GSK3A: variants seen among roughly 807,000 people sequenced by gnomAD.
GSK3A encodes glycogen synthase kinase 3 alpha, also known as glycogen synthase kinase-3 alpha.
In GSK3A, 14 loss-of-function variants were observed where a neutral mutation model predicts 56.6. The ratio of observed to expected loss-of-function variants is 0.25; its 90% CI spans 0.16 to 0.39. The LOEUF (loss-of-function observed/expected upper bound fraction) is 0.39. Ranked by LOEUF, GSK3A falls within the 10% of genes least tolerant of loss-of-function variation. The probability of loss-of-function intolerance (pLI) is 1.00; values close to 1 mark genes in which losing one functional copy is unlikely to be tolerated. For synonymous variants in GSK3A, 301 were observed against 285.0 expected (o/e 1.06, Z -0.56); for missense variants, 450 against 656.0 (o/e 0.69, Z 3.43).
chr19:42,242,512 G>A lies in GSK3A; in HGVS notation c.-47C>T. 2 of 1,048,142 alleles carry A rather than the reference G, an allele frequency of 1.9e-6. No individual in the cohort carries two copies. Among genetic ancestry groups the A allele is most frequent in the Non-Finnish European group, 1.1e-6 (1 of 871,638 alleles). 64.9% of individuals were successfully genotyped at this position (1,048,142 alleles called of 1,614,324 possible). A position where few individuals can be genotyped will look rare whatever the true frequency, so the allele number is the denominator to read the frequency against. Reference sequence around the variant, plus strand: ...CTGCGGGGCTCGGGCTGCCCGGGCTGCCCCAGCCGCCGCCGCTGCCGCCGC... The same window carrying A: ...CTGCGGGGCTCGGGCTGCCCGGGCTACCCCAGCCGCCGCCGCTGCCGCCGC... On this transcript the variant is annotated 5_prime_UTR_variant, in exon 1 of 11. Coordinates refer to ENST00000222330, the MANE Select transcript of GSK3A (RefSeq NM_019884.3).
rs747284763 is a variant in GSK3A, at chr19:42,239,913, C to T, written c.471+42G>A. 4.1e-5 allele frequency: 64 copies of T among 1,552,526 alleles called. 1 individual carries two copies. The South Asian group carries it at 6.5e-4, about 16-fold the overall frequency. On this transcript the variant is annotated intron_variant, in intron 2 of 10. Transcript: ENST00000222330. Reference sequence around the variant, plus strand: ...GGCTCAGGTTCTCCCACCAGTCACACCCAGTCCCCAAACCTCCCTGTCCCC... The same window carrying T: ...GGCTCAGGTTCTCCCACCAGTCACATCCAGTCCCCAAACCTCCCTGTCCCC...
intron 10 of GSK3A, among the ~76,000 whole-genome samples, chr19:42,231,100 G>A (rs773306016): frequency 3.9e-5 from 6 of 152,312 alleles, no homozygotes; most frequent in East Asian, 1.9e-4. Flanking sequence ...AGTGGCTCAC[G>A]CCTGTAATCC....
chr19:42,236,803 C>T, intron 3 of GSK3A, 55 bp downstream of exon 3: 3 of 1,478,934 alleles, frequency 2.0e-6, no homozygotes, highest in Non-Finnish European at 2.8e-6. Context: ...GGGGGAAAGG[C>T]AGGCAGGCAG....
intron 8 of GSK3A, 113 bp from the exon 9 acceptor site, chr19:42,232,795 C>T: frequency 1.2e-6 from 1 of 857,914 alleles, no homozygotes; most frequent in Non-Finnish European, 1.8e-6. Context: ...CTTCCCACAC[C>T]CCCACCTTCC....
At chr19:42,239,620 C>T (rs2036279367) in intron 2 of GSK3A, among the ~76,000 whole-genome samples, 1 of 152,136 alleles carries the variant, frequency 6.6e-6, no homozygotes, top group Non-Finnish European at 1.5e-5. Context: ...TGCTCTATGA[C>T]CTCAGGCAAT....
At chr19:42,233,861 G>A (rs1379715276) in intron 6 of GSK3A, among the ~76,000 whole-genome samples, 3 of 152,102 alleles carry the variant, frequency 2.0e-5, no homozygotes, top group South Asian at 4.1e-4. Context: ...TCCACAGTTC[G>A]TCATGCTGCT....
rs1465637601 is a variant in GSK3A at position 42,242,250 on chromosome 19, G to A, written c.216C>T (p.Ser72=). The change falls in exon 1 of 11, where the codon AGC becomes AGT. Residue 72 remains serine (S), a synonymous_variant. Coordinates refer to ENST00000222330, the MANE Select transcript of GSK3A (RefSeq NM_019884.3). Reference sequence around the variant, plus strand: ...CGGGGCCTCCGCTGCCTCCTCCGCCGCTGCCGCCGGGTCCACCCCCGGAGC... The same window carrying A: ...CGGGGCCTCCGCTGCCTCCTCCGCCACTGCCGCCGGGTCCACCCCCGGAGC... ...ASSSGGGPGG[S]GGGGSGGPGA... 2.8e-6 allele frequency: 4 copies of A among 1,431,746 alleles called. No homozygotes were observed. Among genetic ancestry groups the A allele is most frequent in the South Asian group, 1.4e-5 (1 of 71,958 alleles). 88.7% of individuals were successfully genotyped at this position (1,431,746 alleles called of 1,614,324 possible).
intron 6 of GSK3A, among the ~76,000 whole-genome samples, chr19:42,233,640 C>T (rs1026269227): frequency 1.3e-5 from 2 of 152,134 alleles, no homozygotes; most frequent in East Asian, 1.9e-4. Context: ...CCTTCTCTCC[C>T]GCTAGCCTTG....
intron 9 of GSK3A, 150 bp from the exon 10 acceptor site, chr19:42,232,299 C>G: frequency 1.3e-6 from 1 of 748,136 alleles, no homozygotes; most frequent in East Asian, 2.7e-5. Context: ...AAAAGCTTAG[C>G]ACAAGGCAGA....
chr19:42,236,121 G>T (rs1239890163), intron 4 of GSK3A, among the ~76,000 whole-genome samples: 2 of 152,208 alleles, frequency 1.3e-5, no homozygotes, highest in African/African-American at 4.8e-5. Flanking sequence ...AGGGCACGAT[G>T]CCAGGCACTG....
chr19:42,236,464 G>C (rs1196398581), intron 4 of GSK3A, 142 bp downstream of exon 4: 2 of 663,964 alleles, frequency 3.0e-6, no homozygotes, highest in Non-Finnish European at 5.5e-6. Flanking sequence ...CATCTCGGGG[G>C]GTTATGGGAA....
intron 10 of GSK3A, 63 bp downstream of exon 10, chr19:42,231,994 G>A (rs1026874726): frequency 5.7e-6 from 5 of 872,232 alleles, no homozygotes; most frequent in African/African-American, 3.4e-5. Flanking sequence ...GTCACTGAGC[G>A]AACAGCCCCA....
At chr19:42,242,002 G>T (rs765841502) in intron 1 of GSK3A, 181 bp downstream of exon 1, 6 of 441,572 alleles carry the variant, frequency 1.4e-5, no homozygotes, top group Non-Finnish European at 3.8e-6. Context: ...GAGTAATTCT[G>T]ATCTCCAAGA....
chr19:42,231,972 T>C (rs899273096), intron 10 of GSK3A, 85 bp downstream of exon 10: 5 of 696,854 alleles, frequency 7.2e-6, no homozygotes, highest in Non-Finnish European at 1.2e-5. Context: ...AAAAATACAT[T>C]CAGGAAACCC....
chr19:42,232,957 A>G, intron 8 of GSK3A, 153 bp downstream of exon 8: 2 of 652,330 alleles, frequency 3.1e-6, no homozygotes, highest in South Asian at 2.0e-5. Context: ...TTAAAATGCC[A>G]TAAACTTTGA....
intron 2 of GSK3A, 21 bp from the exon 3 acceptor site, chr19:42,236,962 C>A: frequency 6.5e-7 from 1 of 1,541,122 alleles, no homozygotes; most frequent in South Asian, 1.1e-5. Context: ...AAGGGAGAGT[C>A]TCAGAATACA....
At position 42,239,082 on chromosome 19, in the gene GSK3A, C is replaced by T. The variant is rs2036276158; in HGVS notation, c.471+873G>A. Among the ~76,000 whole-genome samples the T allele has an allele frequency of 2.6e-5, 4 of 152,250 alleles. No homozygotes were observed. In the South Asian group the frequency reaches 8.3e-4, roughly 32 times the overall value. On this transcript the variant is annotated intron_variant, in intron 2 of 10. Coordinates refer to ENST00000222330, the MANE Select transcript of GSK3A (RefSeq NM_019884.3). ...TCTGGTCCCGTGGAAGCATCTGGGT[C>T]CTCGAACTCTATCTAGGATCCTGAG...
chr19:42,236,459 C>CG, intron 4 of GSK3A, 147 bp downstream of exon 4: 2 of 651,710 alleles, frequency 3.1e-6, no homozygotes, highest in Non-Finnish European at 2.8e-6. Flanking sequence ...AGCTCCATCT[C>CG]GGGGGGTTAT....
At position 42,242,594 on chromosome 19, in the gene GSK3A, C is replaced by A; in HGVS notation, c.-129G>T. 1 of 772,278 alleles carries A rather than the reference C, an allele frequency of 1.3e-6. No homozygotes were observed. The allele number at this position is 772,278 out of a possible 1,614,324, so 47.8% of individuals were successfully genotyped here. A position where few individuals can be genotyped will look rare whatever the true frequency, so the allele number is the denominator to read the frequency against. On this transcript the variant is annotated 5_prime_UTR_variant, in exon 1 of 11. Transcript: ENST00000222330. ...GCCGCTCTGGCTTGGGCTCCGGCTC[C>A]GGCCCAGCGCCCGCCGCGGGGCACG...
Sources: allele counts gnomAD v4.1 joint callset (sites outside exome capture counted in the v4.1 genomes callset), GRCh38; gene constraint gnomAD v4.1.1; transcripts MANE v1.5; gene names NCBI Gene and HGNC (gene_info 2026-07-23, HGNC 2026-07-21).